Variants in SPEN observed in about 807,000 individuals in gnomAD.
SPEN encodes the protein spen family transcriptional repressor.
Under a neutral mutation model 269.9 loss-of-function variants are expected in SPEN, and 18 were observed. The observed-to-expected ratio is 0.07, with a 90% CI of 0.05 to 0.10. The LOEUF (loss-of-function observed/expected upper bound fraction) is 0.10. Ranked by LOEUF, SPEN falls within the 10% of genes least tolerant of loss-of-function variation. SPEN has a pLI of 1.00. For synonymous variants in SPEN, 1,726 were observed against 1,765.7 expected, an observed-to-expected ratio of 0.98 and a Z score of 0.56; for missense variants, 3,822 against 4,631.2, an observed-to-expected ratio of 0.83 and a Z score of 5.07.
intron 3 of SPEN, among the ~76,000 whole-genome samples, chr1:15,902,628 A>T (rs1239233138): frequency 1.3e-5 from 2 of 152,176 alleles, no homozygotes; most frequent in Non-Finnish European, 2.9e-5. Context: ...TGGGCAACAA[A>T]GTAAGACCCC....
Position 15,939,745 on chromosome 1 carries a change from T to C in SPEN, c.*318T>C. The C allele has an allele frequency of 3.7e-6, 1 of 269,940 alleles. No individual in the cohort carries two copies. 16.7% of individuals were successfully genotyped at this position (269,940 alleles called of 1,614,324 possible). A position where few individuals can be genotyped will look rare whatever the true frequency, so the allele number is the denominator to read the frequency against. On this transcript the variant is annotated 3_prime_UTR_variant, in exon 15 of 15. Coordinates refer to ENST00000375759, the MANE Select transcript of SPEN (RefSeq NM_015001.3). This position sits in a 1 kb window ranked among gnomAD's most constrained non-coding sequence, Gnocchi z 4.1. Reference sequence around the variant, plus strand: ...CAGTGGAATGAAAATTTTTTGTTTGTTTGTTTTTAAGAAACAAGAAAACAG... The same window carrying C: ...CAGTGGAATGAAAATTTTTTGTTTGCTTGTTTTTAAGAAACAAGAAAACAG...
At chr1:15,887,901 G>A (rs1377352376) in intron 3 of SPEN, among the ~76,000 whole-genome samples, 3 of 150,636 alleles carry the variant, frequency 2.0e-5, no homozygotes, top group Non-Finnish European at 4.4e-5. Context: ...TATGGTGGAC[G>A]CCTATAATCC....
intron 2 of SPEN, chr1:15,874,231 A>G: frequency 1.5e-6 from 2 of 1,366,506 alleles, no homozygotes; most frequent in Non-Finnish European, 2.0e-6. Flanking sequence ...TCTGGTCACT[A>G]AGATTTTTTT....
chr1:15,884,848 C>G (rs762470022), intron 3 of SPEN, among the ~76,000 whole-genome samples: 1 of 151,748 alleles, frequency 6.6e-6, no homozygotes, highest in South Asian at 2.1e-4. Flanking sequence ...ATTCTCCTGC[C>G]TTAGCCTCCC....
At chr1:15,898,906 G>A (rs1325893283) in intron 3 of SPEN, among the ~76,000 whole-genome samples, 2 of 152,072 alleles carry the variant, frequency 1.3e-5, no homozygotes, top group Admixed American at 6.6e-5. Flanking sequence ...TCTATTTTGT[G>A]TGTATACCAT....
At chr1:15,919,161 G>A in intron 7 of SPEN, 110 bp downstream of exon 7, 3 of 943,594 alleles carry the variant, frequency 3.2e-6, no homozygotes, top group Non-Finnish European at 4.7e-6. Flanking sequence ...TACTAAGACA[G>A]ATAACCATAA....
intron 1 of SPEN, among the ~76,000 whole-genome samples, chr1:15,860,201 G>C (rs181758747): frequency 1.3e-5 from 2 of 151,442 alleles, no homozygotes; most frequent in Non-Finnish European, 2.9e-5. Context: ...GTGAGCCACC[G>C]TGCCTGGCGT....
At chr1:15,857,798 CT>C (rs2070402318) in intron 1 of SPEN, among the ~76,000 whole-genome samples, 1 of 152,010 alleles carries the variant, frequency 6.6e-6, no homozygotes, top group East Asian at 1.9e-4. Context: ...GTATCTGGGA[CT>C]ATAGGCATGA....
At position 15,876,405 on chromosome 1, in the gene SPEN, C is replaced by T. The variant is rs766654423; in HGVS notation, c.608C>T (p.Pro203Leu). The change falls in exon 3 of 15, where the codon CCT becomes CTT. Residue 203 changes from proline (P) to leucine (L), a missense_variant. Physicochemically the swap from Pro to Leu is moderately conservative, Grantham distance 98. Coordinates refer to ENST00000375759, the MANE Select transcript of SPEN (RefSeq NM_015001.3). ...GATGCTCATGACCCCCGATATGAAC[C>T]TAGGGCTCGCGAGCAGTTTACACTG... ...RFDAHDPRYE[P>L]RAREQFTLPS... 6.2e-7 allele frequency: 1 copy of T among 1,614,068 alleles called. No homozygotes were observed. Among genetic ancestry groups the T allele is most frequent in the South Asian group, 1.1e-5 (1 of 91,070 alleles).
intron 1 of SPEN, among the ~76,000 whole-genome samples, chr1:15,858,212 C>T (rs1485961848): frequency 6.6e-6 from 1 of 151,216 alleles, no homozygotes; most frequent in East Asian, 1.9e-4. Context: ...CCTTGTCCTA[C>T]CAAAGTGCTG....
chr1:15,864,217 G>A (rs1341066223), intron 1 of SPEN, among the ~76,000 whole-genome samples: 4 of 150,648 alleles, frequency 2.7e-5, no homozygotes, highest in African/African-American at 9.8e-5. Flanking sequence ...TGCCCAGGCT[G>A]GAGTGCAGTG....
At position 15,930,328 on chromosome 1, in the gene SPEN, A is replaced by G; in HGVS notation, c.4088A>G (p.Asp1363Gly). 1 of 1,614,014 alleles carries G rather than the reference A, an allele frequency of 6.2e-7. No homozygotes were observed. The highest frequency in any genetic ancestry group is 8.5e-7 in the Non-Finnish European group (1 of 1,179,896). The change falls in exon 11 of 15, where the codon GAT becomes GGT. Residue 1363 changes from aspartate (D) to glycine (G), a missense_variant. By Grantham distance (94) the Asp-to-Gly change is moderately conservative. This residue lies in a region of SPEN where 267 missense variants were observed against 315.5 expected (regional missense o/e 0.85). Transcript: ENST00000375759. This position sits in a 1 kb window ranked among gnomAD's most constrained non-coding sequence, Gnocchi z 5.3. ...VSFPNSIIKR[D>G]SLRKRSVRDL... ...TTCCCAAACAGCATAATTAAGAGAG[A>G]TAGCCTTCGAAAAAGGTCTGTACGA...
In SPEN at chr1:15,934,843, C is replaced by T; in HGVS notation, c.8603C>T (p.Ser2868Phe). Reference sequence around the variant, plus strand: ...TCTGTCACAGCATCGCAGCCTCCATCCAAAGGCCCTCAAGCTCCTGCAGGC... The same window carrying T: ...TCTGTCACAGCATCGCAGCCTCCATTCAAAGGCCCTCAAGCTCCTGCAGGC... Reference protein sequence around the residue: ...PDSVTASQPPSKGPQAPAGYA... With the variant: ...PDSVTASQPPFKGPQAPAGYA... Residue 2868 changes from serine to phenylalanine, a missense_variant, in exon 11 of 15, where the codon TCC (serine) becomes TTC (phenylalanine). Coordinates refer to ENST00000375759, the MANE Select transcript of SPEN (RefSeq NM_015001.3). This position sits in a 1 kb window ranked among gnomAD's most constrained non-coding sequence, Gnocchi z 9.2. The T allele has an allele frequency of 6.2e-7, 1 of 1,614,168 alleles. No homozygotes were observed. The highest frequency in any genetic ancestry group is 8.5e-7 in the Non-Finnish European group (1 of 1,180,026).
At chr1:15,916,009 GAGT>G in intron 5 of SPEN, 116 bp from the exon 6 acceptor site, 1 of 1,158,290 alleles carries the variant, frequency 8.6e-7, no homozygotes, top group Non-Finnish European at 1.2e-6. Flanking sequence ...CAGTTTATGT[GAGT>G]ATTCAAGCCC....
intron 3 of SPEN, among the ~76,000 whole-genome samples, chr1:15,902,896 A>G (rs893320510): frequency 1.6e-4 from 24 of 152,178 alleles, no homozygotes; most frequent in African/African-American, 5.5e-4. Context: ...TTCTGAAAAT[A>G]TTGGTTTATG....
chr1:15,922,428 T>C (rs2071128217), intron 10 of SPEN, 79 bp downstream of exon 10: 1 of 912,330 alleles, frequency 1.1e-6, no homozygotes, highest in African/African-American at 1.7e-5. Context: ...TTAAATTTTA[T>C]TTTTCACTCT....
In SPEN at chr1:15,909,366, A is replaced by T. The variant is rs2148728204; in HGVS notation, c.927A>T (p.Ser309=). Reference sequence around the variant, plus strand: ...CAAGTGATGATTCTCCAGCTCGATCAGTTCAGTCTGCAGCAGTCCCTGCAC... The same window carrying T: ...CAAGTGATGATTCTCCAGCTCGATCTGTTCAGTCTGCAGCAGTCCCTGCAC... ...SSSSDDSPAR[S]VQSAAVPAPT... The change falls in exon 4 of 15, where the codon TCA becomes TCT. Residue 309 remains serine, a synonymous_variant. Transcript: ENST00000375759. 1 of 1,613,942 alleles carries T rather than the reference A, an allele frequency of 6.2e-7. No individual in the cohort carries two copies. Among genetic ancestry groups the T allele is most frequent in the Non-Finnish European group, 8.5e-7 (1 of 1,179,932 alleles).
chr1:15,863,062 A>T (rs1457639210), intron 1 of SPEN, among the ~76,000 whole-genome samples: 2 of 152,080 alleles, frequency 1.3e-5, no homozygotes, highest in Non-Finnish European at 2.9e-5. Flanking sequence ...CTCCCGGCCG[A>T]ATCCCAGCAC....
In SPEN at chr1:15,920,849, TTTTG is replaced by T. The variant is rs778911545; in HGVS notation, c.1636-9_1636-6del. 73 of 1,516,542 alleles carry T rather than the reference TTTTG, an allele frequency of 4.8e-5. No individual in the cohort carries two copies. Among genetic ancestry groups the T allele is most frequent in the East Asian group, 2.8e-4 (12 of 42,970 alleles). 93.9% of individuals were successfully genotyped at this position (1,516,542 alleles called of 1,614,324 possible). On this transcript the variant is annotated splice_polypyrimidine_tract_variant and intron_variant, in intron 8 of 14. Coordinates refer to ENST00000375759, the MANE Select transcript of SPEN (RefSeq NM_015001.3). ...CCAGTGGATGAGGCTCTTACTTGTT[TTTTG>T]TTTGTTTGTTTTACAGGTGGTGTTT... is the stretch of plus-strand genomic sequence containing the variant.
Sources: allele counts gnomAD v4.1 joint callset (sites outside exome capture counted in the v4.1 genomes callset), GRCh38; gene constraint gnomAD v4.1.1; regional missense constraint gnomAD v4.1.1; non-coding constraint Gnocchi (gnomAD v3.1); transcripts MANE v1.5; gene names NCBI Gene and HGNC (gene_info 2026-07-23, HGNC 2026-07-21).